The following CBFB variants were observed in gnomAD, a reference collection of about 807,000 sequenced individuals.
CBFB encodes CBF-beta.
A neutral mutation model predicts 30.4 loss-of-function variants in CBFB; 9 were observed. That is an observed-to-expected ratio of 0.30 (90% CI 0.18 to 0.52). The LOEUF (loss-of-function observed/expected upper bound fraction) is 0.52, where lower values mean the gene tolerates loss of function less well. CBFB is among the 20% of genes least tolerant of loss of function. The pLI is 0.97. For missense variants in CBFB, 170 were observed against 244.0 expected, an observed-to-expected ratio of 0.70 and a Z score of 2.02; for synonymous variants, 94 against 84.0, an observed-to-expected ratio of 1.12 and a Z score of -0.65.
At chr16:67,061,720 AGTCTTGATTAAAAATT>A (rs1960916277) in intron 3 of CBFB, among the ~76,000 whole-genome samples, 2 of 152,130 alleles carry the variant, frequency 1.3e-5, no homozygotes, top group Admixed American at 1.3e-4. Flanking sequence ...TGCAGTCATT[AGTCTTGATTAAAAATT>A]GTCATCATTT....
At chr16:67,089,994 T>G (rs895848415) in intron 5 of CBFB, among the ~76,000 whole-genome samples, 2 of 152,220 alleles carry the variant, frequency 1.3e-5, no homozygotes, top group African/African-American at 4.8e-5. Context: ...CTTTAGACTA[T>G]GAAAGTCGAA....
At chr16:67,097,738 C>G (rs75271906) in intron 5 of CBFB, among the ~76,000 whole-genome samples, 634 of 152,172 alleles carry the variant, frequency 4.2e-3, no homozygotes, top group African/African-American at 0.015. Flanking sequence ...AATAATAGCA[C>G]TTATGTCATA....
intron 5 of CBFB, among the ~76,000 whole-genome samples, chr16:67,096,630 TTTTTA>T (rs1166665491): frequency 2.6e-5 from 4 of 152,094 alleles, no homozygotes; most frequent in African/African-American, 9.7e-5. Flanking sequence ...TTTTTTCTAA[TTTTTA>T]TTTTATAGAC....
At chr16:67,054,453 C>T (rs1202627661) in intron 3 of CBFB, among the ~76,000 whole-genome samples, 1 of 152,132 alleles carries the variant, frequency 6.6e-6, no homozygotes, top group Non-Finnish European at 1.5e-5. Context: ...ATGATGTAAC[C>T]TAGTGTCGGT....
At chr16:67,033,819 GTTTTTTTT>G (rs573801388) in intron 2 of CBFB, among the ~76,000 whole-genome samples, 2 of 91,740 alleles carry the variant, frequency 2.2e-5, no homozygotes, top group African/African-American at 4.5e-5. Context: ...TTTCACCGTT[GTTTTTTTT>G]TTTTTTTTTT....
At chr16:67,042,707 A>G (rs753190002) in intron 3 of CBFB, among the ~76,000 whole-genome samples, 2 of 152,140 alleles carry the variant, frequency 1.3e-5, no homozygotes, top group Non-Finnish European at 2.9e-5. Context: ...CTCCATAGAG[A>G]GAAAAAGAGT....
chr16:67,089,002 T>C (rs1457920598), intron 5 of CBFB, among the ~76,000 whole-genome samples: 1 of 152,232 alleles, frequency 6.6e-6, no homozygotes, highest in Non-Finnish European at 1.5e-5. Flanking sequence ...CATTTCACCA[T>C]GTGTAAAATT....
At chr16:67,083,237 C>T (rs1415769405) in intron 5 of CBFB, among the ~76,000 whole-genome samples, 2 of 151,952 alleles carry the variant, frequency 1.3e-5, no homozygotes, top group Non-Finnish European at 2.9e-5. Flanking sequence ...GCAGCCCCTT[C>T]CATATATACA....
intron 5 of CBFB, among the ~76,000 whole-genome samples, chr16:67,087,252 GATTA>G (rs1486427005): frequency 6.6e-6 from 1 of 152,140 alleles, no homozygotes; most frequent in African/African-American, 2.4e-5. Flanking sequence ...TAAAACTCTA[GATTA>G]ATTGACTAAG....
chr16:67,068,312 A>C (rs11859413), intron 4 of CBFB, among the ~76,000 whole-genome samples: 151,287 of 152,236 alleles, frequency 0.99, 75,171 homozygotes, highest in Middle Eastern at 1. Flanking sequence ...GACCCCATCT[A>C]CACAAATAAT....
chr16:67,047,246 T>C (rs1966643240), intron 3 of CBFB, among the ~76,000 whole-genome samples: 1 of 152,036 alleles, frequency 6.6e-6, no homozygotes, highest in Non-Finnish European at 1.5e-5. Context: ...ATAAATACCA[T>C]TTGAAATGTC....
intron 3 of CBFB, among the ~76,000 whole-genome samples, chr16:67,064,104 T>G (rs944673269): frequency 1.3e-5 from 2 of 152,256 alleles, no homozygotes; most frequent in Non-Finnish European, 2.9e-5. Context: ...CCACTTCCTC[T>G]GCATTAAAAA....
intron 3 of CBFB, among the ~76,000 whole-genome samples, chr16:67,038,653 T>C (rs1966482526): frequency 6.6e-6 from 1 of 152,162 alleles, no homozygotes; most frequent in Non-Finnish European, 1.5e-5. Flanking sequence ...TGTACGATTA[T>C]TGGTTTTTTT....
At chr16:67,097,004 C>G (rs1385665484) in intron 5 of CBFB, among the ~76,000 whole-genome samples, 1 of 151,532 alleles carries the variant, frequency 6.6e-6, no homozygotes, top group Non-Finnish European at 1.5e-5. Context: ...GAGGCCAAGA[C>G]AGGCAGATGG....
chr16:67,040,385 T>A (rs1321640004), intron 3 of CBFB, among the ~76,000 whole-genome samples: 1 of 152,252 alleles, frequency 6.6e-6, no homozygotes, highest in Non-Finnish European at 1.5e-5. Context: ...TTGTAAAGGC[T>A]TTAGAGTTAG....
chr16:67,075,084 G>A (rs991735053), intron 4 of CBFB, among the ~76,000 whole-genome samples: 14 of 152,104 alleles, frequency 9.2e-5, no homozygotes, highest in Admixed American at 9.2e-4. Context: ...CAGCTACTCA[G>A]GAGGCTGAGG....
chr16:67,053,722 C>T (rs1209388109), intron 3 of CBFB, among the ~76,000 whole-genome samples: 1 of 151,980 alleles, frequency 6.6e-6, no homozygotes, highest in Non-Finnish European at 1.5e-5. Flanking sequence ...GGAGTTAGGG[C>T]ATCTGGCACA....
chr16:67,034,398 T>C (rs1421049125), intron 2 of CBFB, among the ~76,000 whole-genome samples: 1 of 152,078 alleles, frequency 6.6e-6, no homozygotes, highest in Admixed American at 6.6e-5. Context: ...TTTTAATGTT[T>C]TCATTTTGTT....
chr16:67,038,667 C>T (rs971736414), intron 3 of CBFB, among the ~76,000 whole-genome samples: 2 of 151,328 alleles, frequency 1.3e-5, no homozygotes, highest in African/African-American at 4.9e-5. Context: ...TTTTTTTGTG[C>T]TTCTGGTGCG....
Sources: allele counts gnomAD v4.1 joint callset (sites outside exome capture counted in the v4.1 genomes callset), GRCh38; gene constraint gnomAD v4.1.1; transcripts MANE v1.5; gene names NCBI Gene and HGNC (gene_info 2026-07-23, HGNC 2026-07-21).